Variants in CYP26B1 observed in about 807,000 individuals in gnomAD.
The protein encoded by CYP26B1 is cytochrome P450 26B1.
A neutral mutation model predicts 39.1 loss-of-function variants in CYP26B1; 8 were observed. The observed-to-expected ratio is 0.20, with a 90% CI of 0.12 to 0.37. The LOEUF is 0.37. Ranked by LOEUF, CYP26B1 falls within the 10% of genes least tolerant of loss-of-function variation. CYP26B1 has a pLI of 1.00. For missense variants in CYP26B1, 615 were observed against 707.0 expected, an observed-to-expected ratio of 0.87 and a Z score of 1.48; for synonymous variants, 321 against 314.3, an observed-to-expected ratio of 1.02 and a Z score of -0.23.
intron 1 of CYP26B1, 113 bp from the exon 2 acceptor site, chr2:72,144,326 A>ATG (rs1380858566): frequency 1.0e-5 from 15 of 1,501,616 alleles, no homozygotes; most frequent in Admixed American, 6.7e-5. Context: ...CTCCCCACCA[A>ATG]ACACACTCAC....
Position 72,132,140 on chromosome 2 carries a change from G to A in CYP26B1, c.*87C>T, listed in dbSNP as rs764691422. On this transcript the variant is annotated 3_prime_UTR_variant, in exon 6 of 6. Transcript: ENST00000001146. ...AGTATGGGGGCCACTCGCCCTCCCC[G>A]TTCCGGCCCCCTCCCACACACAGGT... 59 of 1,468,880 alleles carry A rather than the reference G, an allele frequency of 4.0e-5. No individual in the cohort carries two copies. Among genetic ancestry groups the A allele is most frequent in the Middle Eastern group, 4.8e-4 (2 of 4,206 alleles). 91.0% of individuals were successfully genotyped at this position (1,468,880 alleles called of 1,614,324 possible).
In CYP26B1 at chr2:72,131,878, G is replaced by A. The variant is rs1056035142; in HGVS notation, c.*349C>T. The stretch of plus-strand genomic sequence containing the variant: ...CCCCCAACCCCAGCTAAAAGGGTCC[G>A]AAAGGAACGGAGGGAAGGGAGCAGT... On this transcript the variant is annotated 3_prime_UTR_variant, in exon 6 of 6. Coordinates refer to ENST00000001146, the MANE Select transcript of CYP26B1 (RefSeq NM_019885.4). The A allele has an allele frequency of 5.9e-5, 16 of 271,714 alleles. No homozygotes were observed. Among genetic ancestry groups the A allele is most frequent in the Admixed American group, 2.0e-4 (4 of 20,094 alleles). 16.8% of individuals were successfully genotyped at this position (271,714 alleles called of 1,614,324 possible).
At chr2:72,142,656 C>A (rs538254667) in intron 2 of CYP26B1, among the ~76,000 whole-genome samples, 1 of 152,320 alleles carries the variant, frequency 6.6e-6, no homozygotes, top group African/African-American at 2.4e-5. Flanking sequence ...GGTGGAGTCG[C>A]AAAGGCTGAG....
chr2:72,147,560 C>G lies in CYP26B1; in HGVS notation c.204+71G>C. The G allele has an allele frequency of 6.9e-7, 1 of 1,458,132 alleles. No homozygotes were observed. The highest frequency in any genetic ancestry group is 9.1e-7 in the Non-Finnish European group (1 of 1,097,122). 90.3% of individuals were successfully genotyped at this position (1,458,132 alleles called of 1,614,324 possible). On this transcript the variant is annotated intron_variant, in intron 1 of 5. Transcript: ENST00000001146. The surrounding 1 kb of genome is among the most constrained non-coding windows in gnomAD (Gnocchi z 6.1). ...CAGGCTCCCGGCGCCCCCTGGCCGG[C>G]CCGCCGCTCCGTCTGCCCCGCGCTC...
intron 2 of CYP26B1, among the ~76,000 whole-genome samples, chr2:72,141,821 A>G (rs1227555900): frequency 6.6e-6 from 1 of 152,204 alleles, no homozygotes; most frequent in Non-Finnish European, 1.5e-5. Context: ...TCAGTTAGGG[A>G]GATTTGGGGG....
intron 1 of CYP26B1, among the ~76,000 whole-genome samples, chr2:72,144,795 AT>A: frequency 6.6e-6 from 1 of 152,050 alleles, no homozygotes; most frequent in Non-Finnish European, 1.5e-5. Flanking sequence ...TTCCTAATGC[AT>A]TTTGCCCTGG....
At chr2:72,134,987 G>C in intron 3 of CYP26B1, 71 bp from the exon 4 acceptor site, 1 of 1,604,682 alleles carries the variant, frequency 6.2e-7, no homozygotes, top group Non-Finnish European at 8.5e-7. Context: ...CACCAGGGAC[G>C]ACTCCAGCCT....
Position 72,147,283 on chromosome 2 carries a change from C to T in CYP26B1, c.204+348G>A, listed in dbSNP as rs1477712614. Reference sequence around the variant, plus strand: ...GCACCGAGGGGAGGCGAAAGCGGCTCAGGACCGGACCCTCCCCCGGGACCG... The same window carrying T: ...GCACCGAGGGGAGGCGAAAGCGGCTTAGGACCGGACCCTCCCCCGGGACCG... On this transcript the variant is annotated intron_variant, in intron 1 of 5. Coordinates refer to ENST00000001146, the MANE Select transcript of CYP26B1 (RefSeq NM_019885.4). This position sits in a 1 kb window ranked among gnomAD's most constrained non-coding sequence, Gnocchi z 6.1. Among the ~76,000 whole-genome samples, 1 of 152,178 alleles carries T rather than the reference C, an allele frequency of 6.6e-6. No homozygotes were observed. Among genetic ancestry groups the T allele is most frequent in the African/African-American group, 2.4e-5 (1 of 41,460 alleles).
rs200556766 is a variant in CYP26B1 at position 72,133,129 on chromosome 2, G to A, written c.1040C>T (p.Thr347Met). 78 of 1,613,020 alleles carry A rather than the reference G, an allele frequency of 4.8e-5. No homozygotes were observed. The highest frequency in any genetic ancestry group is 1.7e-4 in the Admixed American group (10 of 60,026). Reference sequence around the variant, plus strand: ...GTCCAGGTAGCGCAGCCCACTGAGCGTGTCCAGGCGCAGTGTGCCCTCGCA... The same window carrying A: ...GTCCAGGTAGCGCAGCCCACTGAGCATGTCCAGGCGCAGTGTGCCCTCGCA... ...CPCEGTLRLD[T>M]LSGLRYLDCV... The change falls in exon 5 of 6, where the codon ACG (threonine) becomes ATG (methionine). Residue 347 changes from threonine (T) to methionine (M), a missense_variant. Coordinates refer to ENST00000001146, the MANE Select transcript of CYP26B1 (RefSeq NM_019885.4).
chr2:72,143,232 TCAAA>T (rs1180036235), intron 2 of CYP26B1: 1 of 152,714 alleles, frequency 6.5e-6, no homozygotes, highest in African/African-American at 2.4e-5. Context: ...TTACTGCAGT[TCAAA>T]CAGCACGTGC....
chr2:72,147,669 A>C lies in CYP26B1; in HGVS notation c.166T>G (p.Phe56Val), dbSNP rs1162132081. Reference sequence around the variant, plus strand: ...TGGCCGGTCTCTCCGATGAGCGGGAAGCCCATGGATCCCTTGGGGATGGGC... The same window carrying C: ...TGGCCGGTCTCTCCGATGAGCGGGACGCCCATGGATCCCTTGGGGATGGGC... Reference protein sequence around the residue: ...KLPIPKGSMGFPLIGETGHWL... With the variant: ...KLPIPKGSMGVPLIGETGHWL... The change falls in exon 1 of 6, where the codon TTC (phenylalanine) becomes GTC (valine). Residue 56 changes from phenylalanine (F) to valine (V), a missense_variant. Coordinates refer to ENST00000001146, the MANE Select transcript of CYP26B1 (RefSeq NM_019885.4). This position sits in a 1 kb window ranked among gnomAD's most constrained non-coding sequence, Gnocchi z 6.1. 1 of 1,610,200 alleles carries C rather than the reference A, an allele frequency of 6.2e-7. No individual in the cohort carries two copies.
chr2:72,143,917 C>T (rs569944936), intron 2 of CYP26B1, 72 bp downstream of exon 2: 21 of 1,560,922 alleles, frequency 1.3e-5, no homozygotes, highest in South Asian at 2.3e-5. Context: ...GGGGACATTC[C>T]CCGGGCTCCA....
At chr2:72,138,958 GGCCTCC>G (rs1676859401) in intron 2 of CYP26B1, among the ~76,000 whole-genome samples, 1 of 152,188 alleles carries the variant, frequency 6.6e-6, no homozygotes. Context: ...TCCCCAACCA[GGCCTCC>G]TCACCCCTCC....
At chr2:72,138,011 C>T (rs941724455) in intron 2 of CYP26B1, among the ~76,000 whole-genome samples, 18 of 152,298 alleles carry the variant, frequency 1.2e-4, no homozygotes, top group East Asian at 3.9e-4. Flanking sequence ...ATGAGAGGCC[C>T]GACTGGCCAT....
intron 2 of CYP26B1, among the ~76,000 whole-genome samples, chr2:72,141,471 A>G (rs888304028): frequency 3.9e-5 from 6 of 152,196 alleles, no homozygotes; most frequent in South Asian, 2.1e-4. Flanking sequence ...ACCAGCCCCA[A>G]TGGAAACAGT....
intron 1 of CYP26B1, chr2:72,144,545 C>G: frequency 9.0e-7 from 1 of 1,110,378 alleles, no homozygotes; most frequent in Non-Finnish European, 1.1e-6. Flanking sequence ...CCCACACCCC[C>G]ACCCCGCGCT....
At chr2:72,139,033 G>A (rs1366394518) in intron 2 of CYP26B1, among the ~76,000 whole-genome samples, 1 of 152,204 alleles carries the variant, frequency 6.6e-6, no homozygotes, top group African/African-American at 2.4e-5. Context: ...GGCCCTGCGT[G>A]CTGCGCTTGC....
rs1023118670 is a variant in CYP26B1, at chr2:72,134,686, C to T, written c.861+75G>A. ...TACAGGGGGTAGAAATGGCTGGGCA[C>T]ATTTCCACCCAGGGAAAGCTCAGAA... On this transcript the variant is annotated intron_variant, in intron 4 of 5. Coordinates refer to ENST00000001146, the MANE Select transcript of CYP26B1 (RefSeq NM_019885.4). The T allele has an allele frequency of 9.0e-6, 14 of 1,554,738 alleles. No individual in the cohort carries two copies. In the African/African-American group the frequency reaches 1.2e-4, roughly 14 times the overall value.
rs1677141936 is a variant in CYP26B1 at position 72,147,086 on chromosome 2, C to A, written c.204+545G>T. Among the ~76,000 whole-genome samples the A allele has an allele frequency of 6.6e-6, 1 of 152,242 alleles. No homozygotes were observed. The highest frequency in any genetic ancestry group is 2.4e-5 in the African/African-American group (1 of 41,466). ...TCTTCCACCACAAAACAGACACACT[C>A]GCGCGGACCGCGGACCAGGGACACT... On this transcript the variant is annotated intron_variant, in intron 1 of 5. Transcript: ENST00000001146. The surrounding 1 kb of genome is among the most constrained non-coding windows in gnomAD (Gnocchi z 6.1).
Sources: allele counts gnomAD v4.1 joint callset (sites outside exome capture counted in the v4.1 genomes callset), GRCh38; gene constraint gnomAD v4.1.1; non-coding constraint Gnocchi (gnomAD v3.1); transcripts MANE v1.5; gene names NCBI Gene and HGNC (gene_info 2026-07-23, HGNC 2026-07-21).